The following TMEM163 variants were observed in gnomAD, a reference collection of about 807,000 sequenced individuals.
TMEM163 encodes the protein transmembrane protein 163.
A neutral mutation model predicts 29.3 loss-of-function variants in TMEM163; 17 were observed. The ratio of observed to expected loss-of-function variants is 0.58; its 90% CI spans 0.40 to 0.87. The LOEUF (loss-of-function observed/expected upper bound fraction) is 0.87. Ranked by LOEUF, TMEM163 falls within the 40% of genes least tolerant of loss-of-function variation. The pLI is 0.00. For missense variants in TMEM163, 303 were observed against 381.5 expected, an observed-to-expected ratio of 0.79 and a Z score of 1.71; for synonymous variants, 157 against 160.6, an observed-to-expected ratio of 0.98 and a Z score of 0.17.
At chr2:134,698,926 C>G (rs1296565517) in intron 2 of TMEM163, among the ~76,000 whole-genome samples, 1 of 152,194 alleles carries the variant, frequency 6.6e-6, no homozygotes, top group African/African-American at 2.4e-5. Context: ...TGCAAACATC[C>G]TTATTGGATG....
chr2:134,595,110 TTATA>T (rs1386616765), intron 2 of TMEM163, among the ~76,000 whole-genome samples: 1 of 151,588 alleles, frequency 6.6e-6, no homozygotes, highest in Non-Finnish European at 1.5e-5. Context: ...TATTTTTTAT[TTATA>T]TATATATTTT....
chr2:134,507,930 C>T (rs1238245088), intron 4 of TMEM163, among the ~76,000 whole-genome samples: 1 of 152,078 alleles, frequency 6.6e-6, no homozygotes, highest in East Asian at 1.9e-4. Flanking sequence ...GTTAACAAGC[C>T]ACTTCAAAGA....
intron 2 of TMEM163, among the ~76,000 whole-genome samples, chr2:134,556,465 A>C (rs1681051960): frequency 6.6e-6 from 1 of 152,228 alleles, no homozygotes; most frequent in Non-Finnish European, 1.5e-5. Flanking sequence ...TAGGGTGATG[A>C]TTGAGGTATG....
chr2:134,550,527 T>G (rs770158455), intron 4 of TMEM163, 43 bp downstream of exon 4: 4 of 1,595,848 alleles, frequency 2.5e-6, no homozygotes, highest in Non-Finnish European at 3.4e-6. Context: ...GGCCTTCATC[T>G]GCACGGGTTC....
At chr2:134,634,017 ATAT>A (rs1558971948) in intron 2 of TMEM163, among the ~76,000 whole-genome samples, 14 of 34,864 alleles carry the variant, frequency 4.0e-4, no homozygotes, top group Non-Finnish European at 6.0e-4. Context: ...ATATATATAT[ATAT>A]AATAGGACTG....
chr2:134,675,135 G>A (rs1362785879), intron 2 of TMEM163, among the ~76,000 whole-genome samples: 1 of 152,130 alleles, frequency 6.6e-6, no homozygotes, highest in Admixed American at 6.5e-5. Context: ...TTTACAATAT[G>A]TATTATCGAA....
At chr2:134,520,042 A>C (rs908335220) in intron 4 of TMEM163, among the ~76,000 whole-genome samples, 1 of 152,196 alleles carries the variant, frequency 6.6e-6, no homozygotes, top group African/African-American at 2.4e-5. Context: ...TGCCAACATA[A>C]AGATGAAGGG....
intron 2 of TMEM163, among the ~76,000 whole-genome samples, chr2:134,673,395 C>A (rs1684037154): frequency 6.6e-6 from 1 of 152,130 alleles, no homozygotes; most frequent in Non-Finnish European, 1.5e-5. Context: ...GCCTACAACC[C>A]CTTGAAATGC....
intron 6 of TMEM163, among the ~76,000 whole-genome samples, chr2:134,463,402 C>T (rs1430497343): frequency 6.6e-6 from 1 of 152,244 alleles, no homozygotes; most frequent in East Asian, 1.9e-4. Flanking sequence ...CACAAAGCAG[C>T]AGACTACAAA....
intron 4 of TMEM163, among the ~76,000 whole-genome samples, chr2:134,530,121 G>A (rs896251860): frequency 1.3e-5 from 2 of 152,134 alleles, no homozygotes; most frequent in Admixed American, 6.5e-5. Flanking sequence ...GGCCGGGGAA[G>A]GGGACGCATC....
chr2:134,515,772 A>T (rs986179614), intron 4 of TMEM163, among the ~76,000 whole-genome samples: 1 of 152,220 alleles, frequency 6.6e-6, no homozygotes, highest in African/African-American at 2.4e-5. Flanking sequence ...CCCAGGGGGA[A>T]ATTTTTGGAA....
Position 134,502,934 on chromosome 2 carries a change from G to A in TMEM163, c.522C>T (p.Ile174=), listed in dbSNP as rs773707621. ...GGAGCAGCCTAGTTGAGAGGTCATG[G>A]ATGGCTTTGACCACTATACATATGG... ...LSSICIVVKA[I]HDLSTRLLPE... Residue 174 remains isoleucine (I), a synonymous_variant, in exon 5 of 8, where the codon ATC becomes ATT. Coordinates refer to ENST00000281924, the MANE Select transcript of TMEM163 (RefSeq NM_030923.5). 1.2e-6 allele frequency: 2 copies of A among 1,613,782 alleles called. No individual in the cohort carries two copies. Among genetic ancestry groups the A allele is most frequent in the South Asian group, 2.2e-5 (2 of 91,008 alleles).
rs1574345914 is a variant in TMEM163 at position 134,696,075 on chromosome 2, A to C, written c.322+17125T>G. Among the ~76,000 whole-genome samples, 6 of 151,584 alleles carry C rather than the reference A, an allele frequency of 4.0e-5. No homozygotes were observed. The South Asian group carries it at 1.2e-3, about 32-fold the overall frequency. ...TCAAAAAAAAAAAAAAAAAGGTTTA[A>C]ATTCTTTCTTTTCAGGTTTAGTTTC... On this transcript the variant is annotated intron_variant, in intron 2 of 7. Transcript: ENST00000281924.
At chr2:134,615,471 A>G (rs1449221117) in intron 2 of TMEM163, among the ~76,000 whole-genome samples, 4 of 152,204 alleles carry the variant, frequency 2.6e-5, no homozygotes, top group African/African-American at 9.7e-5. Flanking sequence ...ATCAATTTGC[A>G]AAGAAGTAGT....
intron 2 of TMEM163, among the ~76,000 whole-genome samples, chr2:134,561,752 G>A (rs1167978532): frequency 1.3e-5 from 2 of 152,146 alleles, no homozygotes; most frequent in East Asian, 3.9e-4. Flanking sequence ...GGTGTCCTCA[G>A]ACCACACTCA....
At chr2:134,514,765 T>G (rs1185955571) in intron 4 of TMEM163, among the ~76,000 whole-genome samples, 2 of 152,174 alleles carry the variant, frequency 1.3e-5, no homozygotes, top group Non-Finnish European at 2.9e-5. Flanking sequence ...CTGCCCACTA[T>G]GGGACTTGGC....
chr2:134,680,614 A>G (rs183340038), intron 2 of TMEM163, among the ~76,000 whole-genome samples: 2 of 152,312 alleles, frequency 1.3e-5, no homozygotes, highest in Admixed American at 1.3e-4. Flanking sequence ...ATTAATGCGC[A>G]AGGTTCTCTC....
At chr2:134,609,501 A>G (rs71417524) in intron 2 of TMEM163, among the ~76,000 whole-genome samples, 4 of 80,720 alleles carry the variant, frequency 5.0e-5, no homozygotes, top group African/African-American at 2.0e-4. Flanking sequence ...CGAGAACTGT[A>G]CTGGTGAAAA....
intron 5 of TMEM163, among the ~76,000 whole-genome samples, chr2:134,480,903 T>G (rs1687037554): frequency 6.6e-6 from 1 of 152,224 alleles, no homozygotes; most frequent in African/African-American, 2.4e-5. Flanking sequence ...AATGTTGAAT[T>G]TGATAAATTC....
Sources: allele counts gnomAD v4.1 joint callset (sites outside exome capture counted in the v4.1 genomes callset), GRCh38; gene constraint gnomAD v4.1.1; transcripts MANE v1.5; gene names NCBI Gene and HGNC (gene_info 2026-07-23, HGNC 2026-07-21).